PTPRT: variants seen among roughly 807,000 people sequenced by gnomAD.
The protein encoded by PTPRT is receptor-type tyrosine-protein phosphatase T.
A neutral mutation model predicts 176.8 loss-of-function variants in PTPRT; 56 were observed. The ratio of observed to expected loss-of-function variants is 0.32; its 90% confidence interval spans 0.26 to 0.40. PTPRT has a LOEUF of 0.40. Among genes scored for constraint, PTPRT ranks in the 10% least tolerant of loss-of-function variants. PTPRT has a pLI of 1.00. For missense variants in PTPRT, 1,540 were observed against 1,908.2 expected (o/e 0.81, Z 3.60); for synonymous variants, 783 against 739.0 (o/e 1.06, Z -0.96).
At chr20:42,050,026 G>A in the PTPRT span, among the ~76,000 whole-genome samples, 1 of 152,196 alleles carries the variant, frequency 6.6e-6, no homozygotes, top group East Asian at 1.9e-4. Context: ...CAGACATTCT[G>A]ATTTTTCCCA....
intron 15 of PTPRT, among the ~76,000 whole-genome samples, chr20:42,200,593 C>A (rs1450027207): frequency 6.6e-6 from 1 of 152,092 alleles, no homozygotes; most frequent in Admixed American, 6.5e-5. Flanking sequence ...AAATCTATGT[C>A]CTTTAAATTT....
At chr20:42,594,245 A>G (rs1323848598) in intron 7 of PTPRT, among the ~76,000 whole-genome samples, 1 of 152,166 alleles carries the variant, frequency 6.6e-6, no homozygotes, top group Non-Finnish European at 1.5e-5. Flanking sequence ...CGCTGCCTCC[A>G]TGCAAATCTC....
chr20:42,560,771 C>T (rs540746113), intron 7 of PTPRT, among the ~76,000 whole-genome samples: 20 of 152,264 alleles, frequency 1.3e-4, no homozygotes, highest in East Asian at 3.9e-4. Context: ...CTAGGGCTCC[C>T]GCATAAAGCA....
chr20:42,704,875 G>T (rs1243437172), intron 6 of PTPRT, among the ~76,000 whole-genome samples: 1 of 152,052 alleles, frequency 6.6e-6, no homozygotes. Flanking sequence ...TTCGATTGTT[G>T]TCATACTTCA....
chr20:42,491,603 A>G (rs1220899709), intron 7 of PTPRT, among the ~76,000 whole-genome samples: 29 of 152,276 alleles, frequency 1.9e-4, no homozygotes, highest in Non-Finnish European at 1.5e-5. Flanking sequence ...TCCGTCTGCC[A>G]TGTAAGGACA....
At chr20:42,367,525 G>T (rs935747175) in intron 9 of PTPRT, among the ~76,000 whole-genome samples, 2 of 152,126 alleles carry the variant, frequency 1.3e-5, no homozygotes, top group Non-Finnish European at 2.9e-5. Flanking sequence ...GAGGAGGGGA[G>T]AAAAATATAA....
intron 7 of PTPRT, among the ~76,000 whole-genome samples, chr20:42,494,193 A>G (rs1439617917): frequency 1.3e-5 from 2 of 152,174 alleles, no homozygotes; most frequent in Non-Finnish European, 2.9e-5. Context: ...TGGAGAAATA[A>G]TGATGAGATC....
At chr20:43,063,243 C>T (rs1460029714) in intron 1 of PTPRT, 2 of 152,074 alleles carry the variant, frequency 1.3e-5, no homozygotes, top group Non-Finnish European at 2.9e-5. Flanking sequence ...TTAGTCAACC[C>T]ATCTTTCAGT....
intron 6 of PTPRT, among the ~76,000 whole-genome samples, chr20:42,698,414 C>T (rs1344250464): frequency 6.6e-6 from 1 of 152,136 alleles, no homozygotes; most frequent in Admixed American, 6.5e-5. Flanking sequence ...ACCTAAATGG[C>T]AAACGCCTGG....
At chr20:42,691,131 T>C (rs953477082) in intron 6 of PTPRT, among the ~76,000 whole-genome samples, 2 of 152,228 alleles carry the variant, frequency 1.3e-5, no homozygotes, top group Admixed American at 6.5e-5. Context: ...GTCAGCTTTA[T>C]GCATGTGGTA....
Position 42,136,232 on chromosome 20 carries a change from C to CTTTTTT in PTPRT, c.2770+5677_2770+5682dup, listed in dbSNP as rs397864699. Among the ~76,000 whole-genome samples the CTTTTTT allele has an allele frequency of 1.7e-4, 11 of 63,052 alleles. 1 individual carries two copies. Among genetic ancestry groups the CTTTTTT allele is most frequent in the Admixed American group, 5.1e-4 (2 of 3,932 alleles). 41.4% of individuals were successfully genotyped at this position (63,052 alleles called of 152,430 possible). Reference sequence around the variant, plus strand: ...GCACTACAGAGGGTAAAGAACAGTGCTTTTTTTTTTTTTTTTTTTTTTTTT... The same window carrying CTTTTTT: ...GCACTACAGAGGGTAAAGAACAGTGCTTTTTTTTTTTTTTTTTTTTTTTTTTTTTTT... On this transcript the variant is annotated intron_variant, in intron 18 of 30. Transcript: ENST00000373187.
intron 2 of PTPRT, among the ~76,000 whole-genome samples, chr20:42,813,240 T>G (rs2077726984): frequency 6.6e-6 from 1 of 152,200 alleles, no homozygotes; most frequent in African/African-American, 2.4e-5. Flanking sequence ...CTCGCTTTAT[T>G]GACCTGGTGT....
intron 17 of PTPRT, among the ~76,000 whole-genome samples, chr20:42,151,597 G>A (rs748493210): frequency 3.9e-5 from 6 of 152,174 alleles, no homozygotes; most frequent in Non-Finnish European, 7.3e-5. Context: ...AAATAGTGCT[G>A]CAGTAAACAT....
At chr20:42,427,428 G>T (rs2059174707) in intron 9 of PTPRT, among the ~76,000 whole-genome samples, 1 of 152,178 alleles carries the variant, frequency 6.6e-6, no homozygotes, top group African/African-American at 2.4e-5. Flanking sequence ...GCAATTTATT[G>T]CTCACAATTG....
At chr20:43,076,314 C>T (rs2011275657) in intron 1 of PTPRT, among the ~76,000 whole-genome samples, 1 of 151,980 alleles carries the variant, frequency 6.6e-6, no homozygotes, top group Non-Finnish European at 1.5e-5. Context: ...ATCTGGAACA[C>T]GGTAAGTCGC....
chr20:42,725,625 G>C (rs925383623), intron 6 of PTPRT, among the ~76,000 whole-genome samples: 1 of 152,036 alleles, frequency 6.6e-6, no homozygotes, highest in African/African-American at 2.4e-5. Context: ...TGCTGCAGTA[G>C]CAAAGTTCCA....
intron 1 of PTPRT, among the ~76,000 whole-genome samples, chr20:42,957,169 G>C (rs2146031403): frequency 6.6e-6 from 1 of 152,180 alleles, no homozygotes; most frequent in South Asian, 2.1e-4. Flanking sequence ...ATTTGATAGG[G>C]AAAAATCGAA....
intron 1 of PTPRT, among the ~76,000 whole-genome samples, chr20:43,114,476 T>C (rs929119801): frequency 6.6e-6 from 1 of 152,202 alleles, no homozygotes; most frequent in African/African-American, 2.4e-5. Flanking sequence ...AATTAATATA[T>C]CTAAAGTCCC....
At chr20:43,186,786 T>C (rs2015405032) in intron 1 of PTPRT, among the ~76,000 whole-genome samples, 1 of 152,254 alleles carries the variant, frequency 6.6e-6, no homozygotes, top group Admixed American at 6.5e-5. Context: ...AAAATTCGAC[T>C]GTACTGCTAA....
Sources: gnomAD v4.1 joint callset for allele counts (sites outside exome capture counted in the v4.1 genomes callset) on GRCh38, gnomAD v4.1.1 for gene constraint, MANE v1.5 for transcripts, NCBI Gene and HGNC (gene_info 2026-07-23, HGNC 2026-07-21) for gene names.